Variants in MAP3K5 observed in about 807,000 individuals in gnomAD.
The protein encoded by MAP3K5 is ASK-1.
A neutral mutation model predicts 158.7 loss-of-function variants in MAP3K5; 56 were observed. The observed-to-expected ratio is 0.35, with a 90% CI of 0.28 to 0.44. The LOEUF (loss-of-function observed/expected upper bound fraction) is 0.44, where lower values mean the gene tolerates loss of function less well. Ranked by LOEUF, MAP3K5 falls within the 20% of genes least tolerant of loss-of-function variation. MAP3K5 has a pLI of 1.00. For synonymous variants in MAP3K5, 579 were observed against 601.7 expected, an observed-to-expected ratio of 0.96 and a Z score of 0.55; for missense variants, 1,294 against 1,674.8, an observed-to-expected ratio of 0.77 and a Z score of 3.97.
At chr6:136,680,853 G>A (rs1464495634) in intron 7 of MAP3K5, among the ~76,000 whole-genome samples, 1 of 152,164 alleles carries the variant, frequency 6.6e-6, no homozygotes, top group African/African-American at 2.4e-5. Context: ...CTGGAAAGAT[G>A]GGAAGAGATA....
At chr6:136,720,611 C>T (rs755779627) in intron 1 of MAP3K5, 22 bp from the exon 2 acceptor site, 2 of 1,593,818 alleles carry the variant, frequency 1.3e-6, no homozygotes, top group Non-Finnish European at 1.7e-6. Context: ...AAACAAAGTC[C>T]CCCAAAGAAT....
chr6:136,572,781 G>C (rs886352807), intron 25 of MAP3K5, among the ~76,000 whole-genome samples: 1 of 152,198 alleles, frequency 6.6e-6, no homozygotes, highest in East Asian at 1.9e-4. Flanking sequence ...GTGGTTCCCT[G>C]AGTGCATGTC....
rs969641868 is a variant in MAP3K5 at position 136,557,560 on chromosome 6, C to T, written c.*198G>A. The T allele has an allele frequency of 7.6e-6, 4 of 525,050 alleles. No homozygotes were observed. In the South Asian group the frequency reaches 7.8e-5, roughly 10 times the overall value. The allele number at this position is 525,050 out of a possible 1,614,324, so 32.5% of individuals were successfully genotyped here. A position where few individuals can be genotyped will look rare whatever the true frequency, so the allele number is the denominator to read the frequency against. On this transcript the variant is annotated 3_prime_UTR_variant, in exon 30 of 30. Transcript: ENST00000359015. ...TATTTTAAGAGTCCTTATGAAGAGT[C>T]CTTAAAAATTATAGAAATAGATGTA...
intron 14 of MAP3K5, among the ~76,000 whole-genome samples, chr6:136,624,821 A>G (rs1202229685): frequency 3.3e-5 from 5 of 152,232 alleles, no homozygotes; most frequent in Non-Finnish European, 7.3e-5. Context: ...AAAATTTAAC[A>G]TGAATAAGTT....
At chr6:136,572,859 C>T (rs1162234045) in intron 25 of MAP3K5, among the ~76,000 whole-genome samples, 1 of 152,054 alleles carries the variant, frequency 6.6e-6, no homozygotes, top group Non-Finnish European at 1.5e-5. Flanking sequence ...AAAGAGATGA[C>T]AATCTAAAGG....
At chr6:136,623,010 T>C in intron 14 of MAP3K5, 29 bp from the exon 15 acceptor site, 4 of 1,608,622 alleles carry the variant, frequency 2.5e-6, no homozygotes, top group Non-Finnish European at 3.4e-6. Flanking sequence ...GGAGAAAAGA[T>C]CAAAACATTA....
At chr6:136,696,108 C>T in intron 5 of MAP3K5, 51 bp from the exon 6 acceptor site, 1 of 1,067,292 alleles carries the variant, frequency 9.4e-7, no homozygotes, top group Non-Finnish European at 1.4e-6. Context: ...GGAGAAAATT[C>T]TCACAATAAC....
At chr6:136,656,636 T>C (rs1044137199) in intron 9 of MAP3K5, among the ~76,000 whole-genome samples, 176 bp from the exon 10 acceptor site, 1 of 152,018 alleles carries the variant, frequency 6.6e-6, no homozygotes, top group Non-Finnish European at 1.5e-5. Flanking sequence ...TTTTTTTTTT[T>C]AATGTTGAAA....
rs1158215436 is a variant in MAP3K5, at chr6:136,659,295, C to T, written c.1450G>A (p.Ala484Thr). ...ATGTGGTCATTGGCTAGGACGCTGGCCCCCAGAAAAAATCCAACTTCCCAG... is the reference window on the plus strand; with the variant it reads ...ATGTGGTCATTGGCTAGGACGCTGGTCCCCAGAAAAAATCCAACTTCCCAG... ...SYWEVGFFLG[A>T]SVLANDHMRV... Residue 484 changes from alanine (A) to threonine (T), a missense_variant, in exon 9 of 30, where the codon GCC (alanine) becomes ACC (threonine). Transcript: ENST00000359015. The T allele has an allele frequency of 3.7e-6, 6 of 1,614,032 alleles. No individual in the cohort carries two copies.
intron 1 of MAP3K5, among the ~76,000 whole-genome samples, chr6:136,743,183 G>A (rs1329915822): frequency 1.3e-5 from 2 of 152,350 alleles, no homozygotes; most frequent in East Asian, 3.9e-4. Context: ...GGGCGCAGTG[G>A]CTCACGCCTG....
chr6:136,690,617 T>A (rs1156311494), intron 7 of MAP3K5, among the ~76,000 whole-genome samples: 1 of 152,182 alleles, frequency 6.6e-6, no homozygotes, highest in Admixed American at 6.6e-5. Context: ...CATTTGTGAT[T>A]CCATTTTTGT....
rs954776649 is a variant in MAP3K5 at position 136,715,981 on chromosome 6, G to A, written c.588+4469C>T. 4.8e-5 allele frequency among the ~76,000 whole-genome samples: 6 copies of A among 125,560 alleles called. No individual in the cohort carries two copies. The Admixed American group carries it at 6.4e-4, about 13-fold the overall frequency. 82.4% of individuals were successfully genotyped at this position (125,560 alleles called of 152,430 possible). On this transcript the variant is annotated intron_variant, in intron 2 of 29. Coordinates refer to ENST00000359015, the MANE Select transcript of MAP3K5 (RefSeq NM_005923.4). ...GGAGGTGGAGGTTGCAGTGAGCCGG[G>A]ATAGCACCACTGCACTCCAGCCCGG...
chr6:136,625,267 G>A (rs998791538), intron 14 of MAP3K5, among the ~76,000 whole-genome samples: 5 of 152,186 alleles, frequency 3.3e-5, no homozygotes, highest in Non-Finnish European at 7.3e-5. Context: ...AAACAAATGG[G>A]CATGCTTATG....
chr6:136,578,957 G>T (rs987017005), intron 25 of MAP3K5, among the ~76,000 whole-genome samples: 2 of 151,586 alleles, frequency 1.3e-5, no homozygotes, highest in African/African-American at 4.8e-5. Context: ...GACAGCTTGA[G>T]CCCAGGGGTT....
Position 136,613,819 on chromosome 6 carries a change from A to C in MAP3K5, c.2278+340T>G, listed in dbSNP as rs1343273481. On this transcript the variant is annotated intron_variant, in intron 16 of 29. Coordinates refer to ENST00000359015, the MANE Select transcript of MAP3K5 (RefSeq NM_005923.4). The surrounding 1 kb of genome is among the most constrained non-coding windows in gnomAD (Gnocchi z 4.0). Reference sequence around the variant, plus strand: ...AAGCTGTAACCACTTAAATGTAATGACTTTGGGTAGAAGATGTTGCCACCC... The same window carrying C: ...AAGCTGTAACCACTTAAATGTAATGCCTTTGGGTAGAAGATGTTGCCACCC... 1.3e-5 allele frequency among the ~76,000 whole-genome samples: 2 copies of C among 152,094 alleles called. No individual in the cohort carries two copies. The highest frequency in any genetic ancestry group is 2.9e-5 in the Non-Finnish European group (2 of 68,026).
intron 14 of MAP3K5, among the ~76,000 whole-genome samples, chr6:136,623,707 G>A (rs1445103260): frequency 6.6e-6 from 1 of 152,146 alleles, no homozygotes; most frequent in Admixed American, 6.5e-5. Context: ...CTTTGTGCTG[G>A]ACTGGAACTA....
chr6:136,664,742 C>T (rs1017373074), intron 8 of MAP3K5, among the ~76,000 whole-genome samples: 5 of 152,152 alleles, frequency 3.3e-5, no homozygotes, highest in African/African-American at 1.2e-4. Context: ...ACCAGCTTGG[C>T]CAACATGGCA....
intron 15 of MAP3K5, among the ~76,000 whole-genome samples, chr6:136,614,971 A>G (rs923038234): frequency 1.3e-5 from 2 of 152,320 alleles, no homozygotes; most frequent in African/African-American, 4.8e-5. Context: ...CTCCACATTG[A>G]AAGTGTGACT....
chr6:136,662,945 T>C (rs1349779111), intron 8 of MAP3K5, among the ~76,000 whole-genome samples: 1 of 152,240 alleles, frequency 6.6e-6, no homozygotes, highest in Admixed American at 6.5e-5. Flanking sequence ...TCATTAAAAT[T>C]GGTTGACTTA....
Sources: allele counts gnomAD v4.1 joint callset (sites outside exome capture counted in the v4.1 genomes callset), GRCh38; gene constraint gnomAD v4.1.1; non-coding constraint Gnocchi (gnomAD v3.1); transcripts MANE v1.5; gene names NCBI Gene and HGNC (gene_info 2026-07-23, HGNC 2026-07-21).